The following RTF2 variants were observed in gnomAD, a reference collection of about 807,000 sequenced individuals.
RTF2 encodes the protein replication termination factor 2.
RTF2 carries 18 observed loss-of-function variants against 38.0 expected under a neutral mutation model. The observed-to-expected ratio is 0.47, with a 90% CI of 0.33 to 0.70. RTF2 has a LOEUF of 0.70. Among genes scored for constraint, RTF2 ranks in the 30% least tolerant of loss-of-function variants. The pLI, the probability that RTF2 is intolerant of heterozygous loss-of-function variation, is 0.02. For missense variants in RTF2, 311 were observed against 379.6 expected, an observed-to-expected ratio of 0.82 and a Z score of 1.50; for synonymous variants, 126 against 137.1, an observed-to-expected ratio of 0.92 and a Z score of 0.57.
intron 5 of RTF2, among the ~76,000 whole-genome samples, chr20:56,502,277 A>T (rs76762231): frequency 0.024 from 3,610 of 152,250 alleles, 151 homozygotes; most frequent in African/African-American, 0.082. Flanking sequence ...TTTACATTTT[A>T]TGTTTTTGTC....
At chr20:56,510,103 G>A (rs1984547744) in intron 5 of RTF2, among the ~76,000 whole-genome samples, 1 of 152,156 alleles carries the variant, frequency 6.6e-6, no homozygotes, top group South Asian at 2.1e-4. Context: ...AAGGGGAATG[G>A]AGTGAGTGCC....
intron 5 of RTF2, among the ~76,000 whole-genome samples, chr20:56,491,049 C>G (rs186878949): frequency 1.4e-3 from 215 of 152,252 alleles, no homozygotes; most frequent in African/African-American, 4.5e-3. Context: ...GTTTTCTACT[C>G]CAGATGAGCT....
rs1334188150 is a variant in RTF2, at chr20:56,468,679, C to G, written c.-19C>G. The G allele has an allele frequency of 1.3e-6, 2 of 1,564,538 alleles. No homozygotes were observed. The highest frequency in any genetic ancestry group is 4.8e-5 in the East Asian group (2 of 41,806). On this transcript the variant is annotated 5_prime_UTR_variant, in exon 1 of 9. Transcript: ENST00000357348. ...GACAGCTTTGGGGGTTTGCTGCTGG[C>G]TCTGACTCCCGTCCTGCGATGGGTT... is the stretch of plus-strand genomic sequence containing the variant.
chr20:56,477,228 G>T, intron 4 of RTF2, 104 bp downstream of exon 4: 1 of 1,365,550 alleles, frequency 7.3e-7, no homozygotes, highest in Non-Finnish European at 1.0e-6. Flanking sequence ...TTGCTTTCTG[G>T]TGTCCTTGGG....
At chr20:56,489,835 T>C (rs1983003643) in intron 5 of RTF2, among the ~76,000 whole-genome samples, 1 of 152,228 alleles carries the variant, frequency 6.6e-6, no homozygotes, top group African/African-American at 2.4e-5. Flanking sequence ...AGTTATAAAA[T>C]ACCGGGGACA....
chr20:56,482,226 C>A (rs1156842600), intron 4 of RTF2, among the ~76,000 whole-genome samples: 2 of 152,156 alleles, frequency 1.3e-5, no homozygotes, highest in Admixed American at 6.5e-5. Context: ...CTGTGGATAC[C>A]AAAATCCATG....
At chr20:56,477,612 G>A (rs572589105) in intron 4 of RTF2, among the ~76,000 whole-genome samples, 226 of 151,946 alleles carry the variant, frequency 1.5e-3, no homozygotes, top group Non-Finnish European at 2.6e-3. Flanking sequence ...TGAATTCCTG[G>A]CCTCAAGCGA....
chr20:56,495,330 G>A, intron 5 of RTF2: 2 of 1,470,198 alleles, frequency 1.4e-6, no homozygotes, highest in Non-Finnish European at 1.9e-6. Flanking sequence ...ATTCAGTGTG[G>A]AATCTGCTTC....
chr20:56,516,784 G>A, intron 6 of RTF2, 151 bp from the exon 7 acceptor site: 2 of 715,430 alleles, frequency 2.8e-6, no homozygotes, highest in Non-Finnish European at 5.0e-6. Flanking sequence ...AGGAGTTACG[G>A]AACATCAAAA....
At chr20:56,496,688 G>A (rs1983561709) in intron 5 of RTF2, 6 of 1,548,788 alleles carry the variant, frequency 3.9e-6, no homozygotes, top group Admixed American at 2.0e-5. Context: ...GGCTGCGGAT[G>A]TCTTTGGACC....
At chr20:56,509,811 A>AGAAAT (rs1984523791) in intron 5 of RTF2, among the ~76,000 whole-genome samples, 1 of 152,206 alleles carries the variant, frequency 6.6e-6, no homozygotes, top group Non-Finnish European at 1.5e-5. Flanking sequence ...TCTACCCAAC[A>AGAAAT]GAAATGAAAA....
chr20:56,496,749 T>C, intron 5 of RTF2: 1 of 1,552,204 alleles, frequency 6.4e-7, no homozygotes, highest in South Asian at 1.2e-5. Context: ...CTCTACAAAC[T>C]TCCTTGTAAG....
chr20:56,499,761 G>A (rs1983805770), intron 5 of RTF2, among the ~76,000 whole-genome samples: 1 of 151,552 alleles, frequency 6.6e-6, no homozygotes, highest in South Asian at 2.1e-4. Context: ...TTTTGAGACA[G>A]GGTCTCACTC....
chr20:56,494,812 T>C (rs1983404712), intron 5 of RTF2, among the ~76,000 whole-genome samples: 1 of 152,226 alleles, frequency 6.6e-6, no homozygotes, highest in South Asian at 2.1e-4. Context: ...CTAGTTTATT[T>C]TTAATATCTA....
At chr20:56,493,490 T>A (rs1600811677) in intron 5 of RTF2, among the ~76,000 whole-genome samples, 1 of 151,978 alleles carries the variant, frequency 6.6e-6, no homozygotes, top group South Asian at 2.1e-4. Context: ...AGACCCCATA[T>A]CTACAAAGAT....
intron 5 of RTF2, among the ~76,000 whole-genome samples, chr20:56,494,459 G>C (rs1297983079): frequency 2.0e-5 from 3 of 152,256 alleles, no homozygotes. Context: ...CTTTTTCTGA[G>C]CATTTACTGA....
At chr20:56,501,620 T>C (rs1459376876) in intron 5 of RTF2, among the ~76,000 whole-genome samples, 10 of 152,180 alleles carry the variant, frequency 6.6e-5, no homozygotes, top group African/African-American at 2.4e-4. Context: ...CCTTGTGTAT[T>C]ACTAGATCAC....
intron 5 of RTF2, chr20:56,495,086 A>C: frequency 5.5e-6 from 4 of 724,522 alleles, no homozygotes; most frequent in Non-Finnish European, 9.3e-6. Context: ...GATCATCACT[A>C]ATTCCAGATT....
At chr20:56,474,608 G>C in intron 2 of RTF2, 70 bp from the exon 3 acceptor site, 1 of 980,870 alleles carries the variant, frequency 1.0e-6, no homozygotes, top group Non-Finnish European at 1.5e-6. Flanking sequence ...ATTGTGTTCA[G>C]TTTATTCTTC....
Sources: gnomAD v4.1 joint callset for allele counts (sites outside exome capture counted in the v4.1 genomes callset) on GRCh38, gnomAD v4.1.1 for gene constraint, MANE v1.5 for transcripts, NCBI Gene and HGNC (gene_info 2026-07-23, HGNC 2026-07-21) for gene names.